The following HLF variants were observed in gnomAD, a reference collection of about 807,000 sequenced individuals.
HLF encodes the protein hepatic leukemia factor.
HLF carries 3 observed loss-of-function variants against 22.6 expected under a neutral mutation model. That is an observed-to-expected ratio of 0.13 (90% confidence interval 0.06 to 0.34). The LOEUF (loss-of-function observed/expected upper bound fraction) is 0.34. HLF is among the 10% of genes least tolerant of loss of function. HLF has a pLI of 1.00. For missense variants in HLF, 299 were observed against 389.2 expected, an observed-to-expected ratio of 0.77 and a Z score of 1.95; for synonymous variants, 151 against 151.8, an observed-to-expected ratio of 0.99 and a Z score of 0.04.
intron 2 of HLF, among the ~76,000 whole-genome samples, chr17:55,295,702 C>T (rs916894771): frequency 2.0e-5 from 3 of 152,198 alleles, no homozygotes; most frequent in East Asian, 1.9e-4. Context: ...CCCTATGTCC[C>T]GTACCACCTG....
chr17:55,290,405 T>C (rs2081050253), intron 2 of HLF, among the ~76,000 whole-genome samples: 1 of 152,238 alleles, frequency 6.6e-6, no homozygotes, highest in African/African-American at 2.4e-5. Flanking sequence ...CTCTGTCATA[T>C]TGTGGTGGTT....
chr17:55,266,764 C>T (rs2080795217), intron 1 of HLF: 1 of 964,122 alleles, frequency 1.0e-6, no homozygotes, highest in Non-Finnish European at 1.2e-6. Context: ...GAAGCAAATT[C>T]CTTAATCCCA....
chr17:55,276,837 G>T (rs551965937), intron 2 of HLF, among the ~76,000 whole-genome samples: 1 of 152,212 alleles, frequency 6.6e-6, no homozygotes, highest in Non-Finnish European at 1.5e-5. Flanking sequence ...TTCAAGGTTG[G>T]ATTTGAAACA....
At chr17:55,266,455 T>TG (rs1189503485) in intron 1 of HLF, 1 of 152,268 alleles carries the variant, frequency 6.6e-6, no homozygotes, top group Admixed American at 6.5e-5. Flanking sequence ...CAGTAGCAAA[T>TG]GCGAACCGTG....
At chr17:55,290,921 G>A (rs1465936350) in intron 2 of HLF, among the ~76,000 whole-genome samples, 1 of 152,182 alleles carries the variant, frequency 6.6e-6, no homozygotes, top group Non-Finnish European at 1.5e-5. Flanking sequence ...CTGATATGAA[G>A]AAAGTTTGAG....
chr17:55,293,592 C>G (rs11656169), intron 2 of HLF, among the ~76,000 whole-genome samples: 1 of 151,978 alleles, frequency 6.6e-6, no homozygotes, highest in African/African-American at 2.4e-5. Context: ...TCTCTGGGAA[C>G]GACTGTTAGT....
At chr17:55,265,959 G>C in intron 1 of HLF, 1 of 647,174 alleles carries the variant, frequency 1.5e-6, no homozygotes, top group Non-Finnish European at 2.0e-6. Context: ...AGAGCCTCCC[G>C]GGCTGGGGAG....
intron 2 of HLF, among the ~76,000 whole-genome samples, chr17:55,280,951 G>A (rs188589444): frequency 2.0e-5 from 3 of 152,324 alleles, no homozygotes; most frequent in African/African-American, 7.2e-5. Flanking sequence ...GAAGTTGATC[G>A]ATTTAAGAAT....
intron 2 of HLF, among the ~76,000 whole-genome samples, chr17:55,285,241 G>C (rs1339303260): frequency 1.3e-5 from 2 of 152,152 alleles, no homozygotes; most frequent in Admixed American, 1.3e-4. Flanking sequence ...GCTATATTTG[G>C]AATGGTCTCA....
At position 55,265,016 on chromosome 17, in the gene HLF, G is replaced by T. The variant is rs1598382821; in HGVS notation, c.-469G>T. 5.8e-6 allele frequency: 1 copy of T among 172,658 alleles called. No individual in the cohort carries two copies. Among genetic ancestry groups the T allele is most frequent in the African/African-American group, 2.4e-5 (1 of 41,746 alleles). The allele number at this position is 172,658 out of a possible 1,614,324, so 10.7% of individuals were successfully genotyped here. Reference sequence around the variant, plus strand: ...CGGATGCGCTGAGCCCGGCGCTGCGGGGCCGCGGAGCGCTGGGGAGCAGCG... The same window carrying T: ...CGGATGCGCTGAGCCCGGCGCTGCGTGGCCGCGGAGCGCTGGGGAGCAGCG... On this transcript the variant is annotated 5_prime_UTR_variant, in exon 1 of 4. Transcript: ENST00000226067.
At position 55,323,282 on chromosome 17, in the gene HLF, CT is replaced by C; in HGVS notation, c.*2408del. 1 of 217,058 alleles carries C rather than the reference CT, an allele frequency of 4.6e-6. No individual in the cohort carries two copies. The allele number at this position is 217,058 out of a possible 1,614,324, so 13.4% of individuals were successfully genotyped here. A position where few individuals can be genotyped will look rare whatever the true frequency, so the allele number is the denominator to read the frequency against. ...AGACACAGGTGGACGTAGAGTTGGC[CT>C]TTTTACAGGCAAAGAGGCGAATTGT... On this transcript the variant is annotated 3_prime_UTR_variant, in exon 4 of 4. Coordinates refer to ENST00000226067, the MANE Select transcript of HLF (RefSeq NM_002126.5).
intron 2 of HLF, among the ~76,000 whole-genome samples, chr17:55,311,438 A>G (rs1452485135): frequency 1.3e-5 from 2 of 152,190 alleles, no homozygotes; most frequent in East Asian, 3.9e-4. Context: ...CAGGGGGTGG[A>G]GGTTGCAGTG....
chr17:55,302,389 T>A (rs919463539), intron 2 of HLF, among the ~76,000 whole-genome samples: 1 of 152,184 alleles, frequency 6.6e-6, no homozygotes. Flanking sequence ...AATCTGTGGA[T>A]CTCTTTGAGA....
At chr17:55,279,525 A>G (rs1447958236) in intron 2 of HLF, among the ~76,000 whole-genome samples, 1 of 152,160 alleles carries the variant, frequency 6.6e-6, no homozygotes, top group Admixed American at 6.5e-5. Context: ...CTTGAGGCCA[A>G]GAGTTCAAGA....
chr17:55,293,345 G>A (rs1313483104), intron 2 of HLF, among the ~76,000 whole-genome samples: 4 of 152,134 alleles, frequency 2.6e-5, no homozygotes, highest in Admixed American at 6.5e-5. Flanking sequence ...ACTGGGCAAC[G>A]GCCGATCGCC....
chr17:55,277,333 G>A (rs1221657453), intron 2 of HLF, among the ~76,000 whole-genome samples: 1 of 150,976 alleles, frequency 6.6e-6, no homozygotes, highest in African/African-American at 2.4e-5. Context: ...GGGTGGGAAG[G>A]TTAATGTCTC....
intron 2 of HLF, among the ~76,000 whole-genome samples, chr17:55,285,217 G>A (rs1425193097): frequency 6.6e-6 from 1 of 152,162 alleles, no homozygotes; most frequent in African/African-American, 2.4e-5. Context: ...GTTTAACCTA[G>A]GAGTCAAGCT....
Position 55,318,683 on chromosome 17 carries a change from C to T in HLF, c.673-1981C>T, listed in dbSNP as rs553485163. On this transcript the variant is annotated intron_variant, in intron 3 of 3. Transcript: ENST00000226067. ...GTTCCCCCGTGTGCAGACTCTGATACATCCTAAATCAAGTCCTCTTTTGAG... is the reference window on the plus strand; with the variant it reads ...GTTCCCCCGTGTGCAGACTCTGATATATCCTAAATCAAGTCCTCTTTTGAG... 2.0e-5 allele frequency among the ~76,000 whole-genome samples: 3 copies of T among 152,280 alleles called. No homozygotes were observed. In the East Asian group the frequency reaches 5.8e-4, roughly 29 times the overall value.
At chr17:55,290,415 T>C (rs1826751948) in intron 2 of HLF, among the ~76,000 whole-genome samples, 1 of 152,232 alleles carries the variant, frequency 6.6e-6, no homozygotes, top group African/African-American at 2.4e-5. Context: ...TTGTGGTGGT[T>C]CTAGCAATAT....
Sources: allele counts gnomAD v4.1 joint callset (sites outside exome capture counted in the v4.1 genomes callset), GRCh38; gene constraint gnomAD v4.1.1; transcripts MANE v1.5; gene names NCBI Gene and HGNC (gene_info 2026-07-23, HGNC 2026-07-21).